The following GRID2 variants were observed in gnomAD, a reference collection of about 807,000 sequenced individuals.
GRID2 encodes the protein glutamate receptor ionotropic, delta-2.
GRID2 carries 33 observed loss-of-function variants against 114.8 expected under a neutral mutation model. The ratio of observed to expected loss-of-function variants is 0.29; its 90% CI spans 0.22 to 0.38. The LOEUF (loss-of-function observed/expected upper bound fraction) is 0.38, where lower values mean the gene tolerates loss of function less well. Ranked by LOEUF, GRID2 falls within the 10% of genes least tolerant of loss-of-function variation. The pLI is 1.00. For synonymous variants in GRID2, 505 were observed against 449.9 expected (o/e 1.12, Z -1.55); for missense variants, 1,184 against 1,257.7 (o/e 0.94, Z 0.89).
chr4:92,357,232 A>G (rs1728372247), intron 1 of GRID2, among the ~76,000 whole-genome samples: 2 of 151,896 alleles, frequency 1.3e-5, no homozygotes, highest in Admixed American at 1.3e-4. Flanking sequence ...ATTTGCAGTT[A>G]TTTGCTGCAA....
intron 2 of GRID2, among the ~76,000 whole-genome samples, chr4:92,802,627 G>T (rs952800085): frequency 6.6e-6 from 1 of 151,850 alleles, no homozygotes; most frequent in African/African-American, 2.4e-5. Flanking sequence ...GCGTTACAAA[G>T]CTAAAGTTTG....
rs537745515 is a variant in GRID2 at position 93,366,542 on chromosome 4, T to C, written c.1246-29065T>C. ...AGCAATTTTAATTTCACCTGGGTCC[T>C]GTGGTCTTGTGATCTTGCCCTGCCT... On this transcript the variant is annotated intron_variant, in intron 8 of 15. Coordinates refer to ENST00000282020, the MANE Select transcript of GRID2 (RefSeq NM_001510.4). 1.1e-3 allele frequency among the ~76,000 whole-genome samples: 170 copies of C among 152,272 alleles called. 1 individual carries two copies. Among genetic ancestry groups the C allele is most frequent in the Middle Eastern group, 0.01 (3 of 294 alleles).
At chr4:93,489,529 G>A (rs1308654444) in intron 11 of GRID2, among the ~76,000 whole-genome samples, 1 of 151,834 alleles carries the variant, frequency 6.6e-6, no homozygotes, top group African/African-American at 2.4e-5. Context: ...GTTTATAAAG[G>A]CACCATGGTA....
At chr4:92,434,496 G>T (rs1732635702) in intron 1 of GRID2, among the ~76,000 whole-genome samples, 1 of 152,036 alleles carries the variant, frequency 6.6e-6, no homozygotes, top group South Asian at 2.1e-4. Flanking sequence ...CAGACCACAG[G>T]ACTTAAAAGA....
intron 8 of GRID2, among the ~76,000 whole-genome samples, chr4:93,344,999 G>GAGTGTGTGTGTGTGTGTT: frequency 6.6e-6 from 1 of 151,382 alleles, no homozygotes; most frequent in Admixed American, 6.6e-5. Context: ...GTGTGTGTGT[G>GAGTGTGTGTGTGTGTGTT]TGTGTGTGTG....
At chr4:92,954,617 T>C in intron 2 of GRID2, among the ~76,000 whole-genome samples, 1 of 151,416 alleles carries the variant, frequency 6.6e-6, no homozygotes. Context: ...TTTTCTTTTT[T>C]TTTTATTATT....
intron 1 of GRID2, among the ~76,000 whole-genome samples, chr4:92,586,260 T>C (rs1162492142): frequency 1.3e-5 from 2 of 151,888 alleles, no homozygotes; most frequent in East Asian, 1.9e-4. Context: ...AGTGAACTTA[T>C]AAATATTTTA....
intron 8 of GRID2, among the ~76,000 whole-genome samples, chr4:93,339,913 C>A (rs1579736692): frequency 6.6e-6 from 1 of 152,064 alleles, no homozygotes; most frequent in African/African-American, 2.4e-5. Flanking sequence ...CTTGTGAGAT[C>A]TCACTCACTA....
At chr4:93,527,100 G>T (rs1730986216) in intron 13 of GRID2, among the ~76,000 whole-genome samples, 1 of 151,976 alleles carries the variant, frequency 6.6e-6, no homozygotes. Context: ...CTCTCATTCT[G>T]ATTTATGTGT....
intron 1 of GRID2, among the ~76,000 whole-genome samples, chr4:92,480,624 G>C (rs146207063): frequency 3.1e-4 from 47 of 152,180 alleles, no homozygotes; most frequent in African/African-American, 1.1e-3. Context: ...AGGGCTCTGG[G>C]GAGAATATGT....
At chr4:93,760,817 C>A (rs1733143858) in intron 14 of GRID2, among the ~76,000 whole-genome samples, 1 of 152,156 alleles carries the variant, frequency 6.6e-6, no homozygotes, top group Admixed American at 6.5e-5. Flanking sequence ...ATCATAATCA[C>A]TTCCCTGGAA....
chr4:92,752,337 G>A (rs1308399757), intron 2 of GRID2, among the ~76,000 whole-genome samples: 1 of 152,092 alleles, frequency 6.6e-6, no homozygotes, highest in African/African-American at 2.4e-5. Flanking sequence ...TACAAGAGAT[G>A]AACACAGTAA....
intron 14 of GRID2, among the ~76,000 whole-genome samples, chr4:93,721,751 T>C (rs1729391846): frequency 6.6e-6 from 1 of 152,126 alleles, no homozygotes. Flanking sequence ...AGACCTATAA[T>C]TTATTTATTT....
intron 14 of GRID2, among the ~76,000 whole-genome samples, chr4:93,751,265 A>T (rs913441896): frequency 8.5e-5 from 13 of 152,206 alleles, no homozygotes; most frequent in African/African-American, 3.1e-4. Context: ...TAGGAGTCAG[A>T]TTCTCATAAA....
At chr4:93,548,633 T>A (rs1303463094) in intron 13 of GRID2, among the ~76,000 whole-genome samples, 1 of 151,888 alleles carries the variant, frequency 6.6e-6, no homozygotes, top group Non-Finnish European at 1.5e-5. Flanking sequence ...ATCAGAAGAG[T>A]CTGTACACTT....
At chr4:93,797,850 A>G (rs113410271) in intron 1 of GRID2, among the ~76,000 whole-genome samples, 4,829 of 151,338 alleles carry the variant, frequency 0.032, 290 homozygotes, top group African/African-American at 0.11. Flanking sequence ...ATGAAAAAAA[A>G]AAAAAAAAAA....
chr4:92,444,603 G>T lies in GRID2; in HGVS notation c.88+139859G>T, dbSNP rs3207414. On this transcript the variant is annotated intron_variant, in intron 1 of 15. Coordinates refer to ENST00000282020, the MANE Select transcript of GRID2 (RefSeq NM_001510.4). The stretch of plus-strand genomic sequence containing the variant: ...TTACTTTAGGCCATCTGGGAGTATA[G>T]GTGCAAGTCACAGGGGTTGCAATGG... Among the ~76,000 whole-genome samples the T allele has an allele frequency of 6.7e-3, 1,018 of 152,236 alleles. 7 individuals carry two copies. The highest frequency in any genetic ancestry group is 0.023 in the African/African-American group (964 of 41,536).
At chr4:93,603,778 A>G (rs1324515593) in intron 13 of GRID2, among the ~76,000 whole-genome samples, 1 of 152,164 alleles carries the variant, frequency 6.6e-6, no homozygotes, top group Non-Finnish European at 1.5e-5. Flanking sequence ...ATTATGCTAA[A>G]TCTACTCTGC....
At chr4:92,331,435 C>G (rs1726884871) in intron 1 of GRID2, among the ~76,000 whole-genome samples, 1 of 152,056 alleles carries the variant, frequency 6.6e-6, no homozygotes. Context: ...AAAGAATTTG[C>G]CTTACATATT....
Sources: allele counts gnomAD v4.1 joint callset (sites outside exome capture counted in the v4.1 genomes callset), GRCh38; gene constraint gnomAD v4.1.1; transcripts MANE v1.5; gene names NCBI Gene and HGNC (gene_info 2026-07-23, HGNC 2026-07-21).